The following COPG2 variants were observed in gnomAD, a reference collection of about 807,000 sequenced individuals.
COPG2 encodes coatomer subunit gamma-2.
Under a neutral mutation model 46.3 loss-of-function variants are expected in COPG2, and 37 were observed. That is an observed-to-expected ratio of 0.80 (90% CI 0.61 to 1.05). The LOEUF is 1.05. Ranked by LOEUF, COPG2 falls within the 50% of genes least tolerant of loss-of-function variation. COPG2 has a pLI of 0.00. For synonymous variants in COPG2, 159 were observed against 129.7 expected (o/e 1.23, Z -1.53); for missense variants, 427 against 387.8 (o/e 1.10, Z -0.85).
At chr7:130,654,328 C>A (rs1482210095) in intron 4 of COPG2, among the ~76,000 whole-genome samples, 2 of 152,160 alleles carry the variant, frequency 1.3e-5, no homozygotes, top group African/African-American at 4.8e-5. Flanking sequence ...ACATTCACAG[C>A]CACAGAAGGA....
intron 9 of COPG2, among the ~76,000 whole-genome samples, chr7:130,592,455 G>C (rs1243819490): frequency 1.3e-5 from 2 of 149,256 alleles, no homozygotes; most frequent in African/African-American, 4.9e-5. Flanking sequence ...AAAATAATAT[G>C]AACAGATTAA....
intron 5 of COPG2, among the ~76,000 whole-genome samples, chr7:130,646,998 T>C (rs7804505): frequency 1.8e-3 from 73 of 39,676 alleles, no homozygotes; most frequent in African/African-American, 3.2e-3. Context: ...TATATATATG[T>C]GTATATATAT....
chr7:130,511,310 C>A, intron 20 of COPG2: 1 of 418,998 alleles, frequency 2.4e-6, no homozygotes, highest in Non-Finnish European at 4.7e-6. Flanking sequence ...AGAAAGAAGG[C>A]AAAAGAGATG....
At chr7:130,533,551 C>T (rs995609249) in intron 20 of COPG2, among the ~76,000 whole-genome samples, 9 of 151,832 alleles carry the variant, frequency 5.9e-5, no homozygotes, top group Admixed American at 3.3e-4. Flanking sequence ...GAAGGAAGGT[C>T]GGGGGGATGC....
chr7:130,547,910 C>T (rs1235513889), intron 19 of COPG2, 65 bp from the exon 20 acceptor site: 2 of 398,466 alleles, frequency 5.0e-6, no homozygotes, highest in Non-Finnish European at 8.8e-6. Context: ...TCATAACCCA[C>T]TACTCAGCTC....
chr7:130,561,367 A>G (rs1793716193), intron 11 of COPG2, 146 bp from the exon 12 acceptor site: 1 of 396,360 alleles, frequency 2.5e-6, no homozygotes, highest in African/African-American at 2.1e-5. Flanking sequence ...GGCTCCAGTT[A>G]ACAAGGTATA....
At chr7:130,648,422 A>G (rs1795663077) in intron 5 of COPG2, among the ~76,000 whole-genome samples, 1 of 152,156 alleles carries the variant, frequency 6.6e-6, no homozygotes, top group Admixed American at 6.5e-5. Flanking sequence ...TGCAGCATCA[A>G]TTCAAAGTCC....
At chr7:130,605,624 C>A (rs1794713358) in intron 9 of COPG2, 3 of 458,814 alleles carry the variant, frequency 6.5e-6, no homozygotes. Flanking sequence ...CAGGCAACCT[C>A]TAGAGGCACA....
chr7:130,629,247 T>C (rs1158009172), intron 5 of COPG2, among the ~76,000 whole-genome samples: 5 of 152,154 alleles, frequency 3.3e-5, no homozygotes, highest in Admixed American at 3.3e-4. Flanking sequence ...CTGATATGCC[T>C]AGAGGTATGT....
intron 4 of COPG2, among the ~76,000 whole-genome samples, chr7:130,655,450 G>A (rs1039072315): frequency 6.6e-6 from 1 of 151,944 alleles, no homozygotes. Context: ...TGTGTTTTTC[G>A]GATTCTTTCC....
At chr7:130,555,337 A>G (rs1160195298) in intron 12 of COPG2, among the ~76,000 whole-genome samples, 2 of 152,240 alleles carry the variant, frequency 1.3e-5, no homozygotes, top group African/African-American at 2.4e-5. Flanking sequence ...ACAAAGGAAA[A>G]TACAAAGCAA....
At position 130,507,752 on chromosome 7, in the gene COPG2, C is replaced by T. The variant is rs1319823130; in HGVS notation, c.2319G>A (p.Trp773Ter). The T allele has an allele frequency of 1.3e-6, 1 of 780,464 alleles. No individual in the cohort carries two copies. 48.3% of individuals were successfully genotyped at this position (780,464 alleles called of 1,614,324 possible). ...TCTCAAAGGTATCTCCCACCTCTTCCCAAGCAGCAGCAAAGTTAGGCTTCA... is the reference window on the plus strand; with the variant it reads ...TCTCAAAGGTATCTCCCACCTCTTCTCAAGCAGCAGCAAAGTTAGGCTTCA... ...KVLKPNFAAAWEEVGDTFEKE... is the reference protein window; with the variant it reads ...KVLKPNFAAA Residue 773 changes from tryptophan to a stop codon, truncating the protein, a stop_gained, in exon 22 of 24, where the codon TGG becomes TGA. Transcript: ENST00000425248. LOFTEE classifies it high-confidence loss of function.
At position 130,629,283 on chromosome 7, in the gene COPG2, G is replaced by A. The variant is rs115696531; in HGVS notation, c.324-12218C>T. Among the ~76,000 whole-genome samples the A allele has an allele frequency of 5.8e-3, 884 of 151,870 alleles. 5 individuals carry two copies. The highest frequency in any genetic ancestry group is 0.02 in the African/African-American group (834 of 41,398). The stretch of plus-strand genomic sequence containing the variant: ...GTATGTGTCCCATGTGGTGTTCTTT[G>A]AGCTTTCTGGACATGCATTTTGTTG... On this transcript the variant is annotated intron_variant, in intron 5 of 23. Coordinates refer to ENST00000425248, the MANE Select transcript of COPG2 (RefSeq NM_012133.6).
chr7:130,609,243 T>C (rs528529158), intron 9 of COPG2, among the ~76,000 whole-genome samples: 2 of 152,208 alleles, frequency 1.3e-5, no homozygotes, highest in South Asian at 2.1e-4. Flanking sequence ...CCCACCCAAA[T>C]CTCATCTTGA....
At chr7:130,594,581 G>T (rs1250085965) in intron 9 of COPG2, among the ~76,000 whole-genome samples, 2 of 152,126 alleles carry the variant, frequency 1.3e-5, no homozygotes, top group South Asian at 2.1e-4. Flanking sequence ...ATGACCCAAA[G>T]AATTGGAGGA....
At chr7:130,633,337 T>C (rs556919439) in intron 5 of COPG2, among the ~76,000 whole-genome samples, 5 of 152,198 alleles carry the variant, frequency 3.3e-5, no homozygotes, top group Non-Finnish European at 7.3e-5. Flanking sequence ...TCCACAATGG[T>C]TGAACTAATT....
At chr7:130,567,374 T>G (rs1001412889) in intron 9 of COPG2, among the ~76,000 whole-genome samples, 1 of 152,148 alleles carries the variant, frequency 6.6e-6, no homozygotes, top group Admixed American at 6.5e-5. Flanking sequence ...ATCTAAAAGT[T>G]TGGAAAACTT....
chr7:130,616,950 T>G, intron 6 of COPG2, 40 bp downstream of exon 6: 1 of 1,332,560 alleles, frequency 7.5e-7, no homozygotes, highest in Non-Finnish European at 1.1e-6. Context: ...CAGATAAACA[T>G]AGTGTTCCAT....
At chr7:130,645,396 G>A in intron 5 of COPG2, 1 of 526,130 alleles carries the variant, frequency 1.9e-6, no homozygotes, top group East Asian at 5.2e-5. Context: ...CCGACTCCAT[G>A]GGCTCCACCC....
Sources: gnomAD v4.1 joint callset for allele counts (sites outside exome capture counted in the v4.1 genomes callset) on GRCh38, gnomAD v4.1.1 for gene constraint, MANE v1.5 for transcripts, NCBI Gene and HGNC (gene_info 2026-07-23, HGNC 2026-07-21) for gene names.